Variants in MACF1 observed in about 807,000 individuals in gnomAD.
MACF1 encodes microtubule-actin cross-linking factor 1.
In MACF1, 193 loss-of-function variants were observed where a neutral mutation model predicts 854.8. The observed-to-expected ratio is 0.23, with a 90% CI of 0.20 to 0.25. The LOEUF (loss-of-function observed/expected upper bound fraction) is 0.25. MACF1 is among the 10% of genes least tolerant of loss of function. The pLI is 1.00. For missense variants in MACF1, 7,722 were observed against 8,929.1 expected (o/e 0.86, Z 5.45); for synonymous variants, 3,185 against 3,226.7 (o/e 0.99, Z 0.44).
In MACF1 at chr1:39,412,895, C is replaced by A. The variant is rs74066781; in HGVS notation, c.15817-9479C>A. 9.8e-4 allele frequency: 1,582 copies of A among 1,609,512 alleles called. 17 individuals carry two copies. The African/African-American group carries it at 0.018, about 18-fold the overall frequency. ...ACTGCTGTAGTTGCTGCTTTAGTGC[C>A]CTTTCCACATGAGGACATCCTAGTT... On this transcript the variant is annotated intron_variant, in intron 58 of 100. Coordinates refer to ENST00000564288, the MANE Select transcript of MACF1 (RefSeq NM_001394062.1).
chr1:39,471,726 T>A (rs1644781432), intron 97 of MACF1, among the ~76,000 whole-genome samples: 1 of 152,164 alleles, frequency 6.6e-6, no homozygotes, highest in Non-Finnish European at 1.5e-5. Context: ...ACTGTGTATG[T>A]TTTTGATCAT....
At chr1:39,129,868 C>T (rs1416024366) in intron 2 of MACF1, among the ~76,000 whole-genome samples, 1 of 152,186 alleles carries the variant, frequency 6.6e-6, no homozygotes, top group Admixed American at 6.5e-5. Context: ...TTGACTGCAA[C>T]CTGTCTTTCT....
At chr1:39,367,737 A>G (rs942226902) in intron 49 of MACF1, among the ~76,000 whole-genome samples, 3 of 152,172 alleles carry the variant, frequency 2.0e-5, no homozygotes, top group African/African-American at 7.2e-5. Flanking sequence ...ACTGTTTTGT[A>G]ATTCCTAGCC....
At position 39,295,910 on chromosome 1, in the gene MACF1, G is replaced by C. The variant is rs764184959; in HGVS notation, c.2355+28G>C. ...GTGATGGATTTCTGTGTTTGTGTGT[G>C]TGTGTACATATGTATGTTAAAGGTG... On this transcript the variant is annotated intron_variant, in intron 20 of 100. Coordinates refer to ENST00000564288, the MANE Select transcript of MACF1 (RefSeq NM_001394062.1). 177 of 1,588,758 alleles carry C rather than the reference G, an allele frequency of 1.1e-4. 1 individual carries two copies. Among genetic ancestry groups the C allele is most frequent in the East Asian group, 8.7e-4 (39 of 44,728 alleles).
At chr1:39,159,161 A>G (rs1019740804) in intron 2 of MACF1, among the ~76,000 whole-genome samples, 1 of 152,220 alleles carries the variant, frequency 6.6e-6, no homozygotes, top group Non-Finnish European at 1.5e-5. Context: ...AATTAAACAG[A>G]AGGGATAGAG....
intron 2 of MACF1, among the ~76,000 whole-genome samples, chr1:39,151,095 C>G (rs554457346): frequency 5.3e-5 from 8 of 152,252 alleles, no homozygotes; most frequent in Admixed American, 5.2e-4. Context: ...CTCTGGCAAA[C>G]CTGCTTTTCT....
intron 24 of MACF1, 37 bp downstream of exon 24, chr1:39,309,733 T>C (rs1442782563): frequency 3.1e-6 from 5 of 1,589,226 alleles, no homozygotes; most frequent in African/African-American, 2.7e-5. Context: ...TTACATTCCA[T>C]TGGCAAGATT....
At position 39,394,232 on chromosome 1, in the gene MACF1, G is replaced by A. The variant is rs181011987; in HGVS notation, c.15816+5574G>A. The stretch of plus-strand genomic sequence containing the variant: ...AACAGAATAAGAAAGTCTTGTAAAC[G>A]CCTTCATTTGATTGATTGATTGATT... On this transcript the variant is annotated intron_variant, in intron 58 of 100. Transcript: ENST00000564288. Among the ~76,000 whole-genome samples the A allele has an allele frequency of 4.2e-3, 619 of 147,000 alleles. 11 individuals carry two copies. Among genetic ancestry groups the A allele is most frequent in the African/African-American group, 0.016 (596 of 37,844 alleles).
chr1:39,204,443 G>A (rs1204465757), upstream of MACF1: 1 of 152,926 alleles, frequency 6.5e-6, no homozygotes, highest in Non-Finnish European at 1.5e-5. Flanking sequence ...CCGGGTTGTG[G>A]GTATGGAGGG....
rs749017846 is a variant in MACF1, at chr1:39,448,172, T to G, written c.20088+20T>G. On this transcript the variant is annotated intron_variant, in intron 83 of 100. Transcript: ENST00000564288. ...CATAAGGTAAAGCAGTTAATTGCTC[T>G]TAGGTCCCAAGCCATAGTATTCGCT... is the stretch of plus-strand genomic sequence containing the variant. The G allele has an allele frequency of 6.2e-7, 1 of 1,607,716 alleles. No homozygotes were observed. The highest frequency in any genetic ancestry group is 1.1e-5 in the South Asian group (1 of 90,414).
In MACF1 at chr1:39,340,946, A is replaced by C; in HGVS notation, c.10574A>C (p.Gln3525Pro). 1 of 1,602,756 alleles carries C rather than the reference A, an allele frequency of 6.2e-7. No individual in the cohort carries two copies. Among genetic ancestry groups the C allele is most frequent in the Non-Finnish European group, 8.5e-7 (1 of 1,175,956 alleles). ...DVDSLNLCLQ[Q>P]YEDLKQPMAE... is the part of the protein sequence containing the mutation. ...GACAGCCTGAACCTCTGCCTCCAAC[A>C]GTATGAGGTAAACTCAAGCACATTT... The change falls in exon 40 of 101, where the codon CAG (glutamine) becomes CCG (proline). Residue 3525 changes from glutamine to proline, a missense_variant. This residue lies in a region of MACF1 where 854 missense variants were observed against 852.6 expected (regional missense o/e 1.00). Transcript: ENST00000564288.
chr1:39,178,914 C>T (rs924089482), intron 2 of MACF1, among the ~76,000 whole-genome samples: 4 of 152,150 alleles, frequency 2.6e-5, no homozygotes, highest in Non-Finnish European at 5.9e-5. Flanking sequence ...CAGCCTTAGC[C>T]GCCTCTTGAT....
chr1:39,116,683 G>A (rs1455202525), intron 2 of MACF1, among the ~76,000 whole-genome samples: 1 of 152,162 alleles, frequency 6.6e-6, no homozygotes, highest in Non-Finnish European at 1.5e-5. Context: ...TGTAACTTTT[G>A]CATTCCTGCC....
intron 2 of MACF1, among the ~76,000 whole-genome samples, chr1:39,161,655 A>T (rs1327556493): frequency 6.6e-6 from 1 of 151,850 alleles, no homozygotes; most frequent in Non-Finnish European, 1.5e-5. Flanking sequence ...TCACAACGTC[A>T]GGAGTTTGAG....
chr1:39,133,914 G>C (rs1643086404), intron 2 of MACF1, among the ~76,000 whole-genome samples: 1 of 151,838 alleles, frequency 6.6e-6, no homozygotes, highest in Non-Finnish European at 1.5e-5. Flanking sequence ...TAGGTTATGA[G>C]AAGTTTCATT....
intron 2 of MACF1, among the ~76,000 whole-genome samples, chr1:39,164,481 T>G (rs971945093): frequency 6.6e-6 from 1 of 152,218 alleles, no homozygotes. Context: ...AGGGGCCAAG[T>G]GGCCTTCTCA....
chr1:39,286,047 T>G (rs1645634950), intron 14 of MACF1, among the ~76,000 whole-genome samples: 1 of 152,176 alleles, frequency 6.6e-6, no homozygotes, highest in Admixed American at 6.5e-5. Context: ...GGGTCTCACT[T>G]TCGTTGCCCA....
Position 39,380,347 on chromosome 1 carries a change from A to G in MACF1, c.13622A>G (p.Asn4541Ser), listed in dbSNP as rs1416087198. The G allele has an allele frequency of 6.2e-7, 1 of 1,613,380 alleles. No individual in the cohort carries two copies. Reference protein sequence around the residue: ...VTYPNSQEAENWKKIQEELNS... With the variant: ...VTYPNSQEAESWKKIQEELNS... ...TATCCCAACTCACAGGAAGCAGAAA[A>G]TTGGAAGAAAATTCAGGAAGAACTC... is the stretch of plus-strand genomic sequence containing the variant. The change falls in exon 55 of 101, where the codon AAT becomes AGT. Residue 4541 changes from asparagine to serine, a missense_variant. Physicochemically the swap from Asn to Ser is conservative, Grantham distance 46. This residue lies in a region of MACF1 where 2,807 missense variants were observed against 3,235.8 expected (regional missense o/e 0.87). Coordinates refer to ENST00000564288, the MANE Select transcript of MACF1 (RefSeq NM_001394062.1).
At chr1:39,181,537 T>C (rs1388238401) in intron 2 of MACF1, among the ~76,000 whole-genome samples, 2 of 152,102 alleles carry the variant, frequency 1.3e-5, no homozygotes, top group Non-Finnish European at 2.9e-5. Flanking sequence ...CCTCCTCTTC[T>C]TCCAGAAATT....
Sources: allele counts gnomAD v4.1 joint callset (sites outside exome capture counted in the v4.1 genomes callset), GRCh38; gene constraint gnomAD v4.1.1; regional missense constraint gnomAD v4.1.1; transcripts MANE v1.5; gene names NCBI Gene and HGNC (gene_info 2026-07-23, HGNC 2026-07-21).